Variants in LARGE1 observed in about 807,000 individuals in gnomAD.
LARGE1 encodes the protein xylosyl- and glucuronyltransferase LARGE1.
Under a neutral mutation model 87.6 loss-of-function variants are expected in LARGE1, and 43 were observed. The ratio of observed to expected loss-of-function variants is 0.49; its 90% CI spans 0.38 to 0.63. LARGE1 has a LOEUF of 0.63. Among genes scored for constraint, LARGE1 ranks in the 30% least tolerant of loss-of-function variants. The pLI is 0.00. For synonymous variants in LARGE1, 434 were observed against 394.6 expected, an observed-to-expected ratio of 1.10 and a Z score of -1.18; for missense variants, 802 against 1,000.2, an observed-to-expected ratio of 0.80 and a Z score of 2.67.
chr22:33,786,441 A>G (rs1249107101), intron 1 of LARGE1, among the ~76,000 whole-genome samples: 1 of 152,192 alleles, frequency 6.6e-6, no homozygotes, highest in Non-Finnish European at 1.5e-5. Flanking sequence ...GCCTCTCCAA[A>G]GCTGAGACAG....
At chr22:33,435,719 C>T (rs918127070) in intron 6 of LARGE1, among the ~76,000 whole-genome samples, 1 of 152,126 alleles carries the variant, frequency 6.6e-6, no homozygotes, top group Non-Finnish European at 1.5e-5. Flanking sequence ...CATGGTTAAC[C>T]TAAAGTCACG....
intron 3 of LARGE1, among the ~76,000 whole-genome samples, chr22:33,638,216 A>G (rs1309302766): frequency 1.3e-5 from 2 of 152,220 alleles, no homozygotes; most frequent in African/African-American, 2.4e-5. Context: ...ATACAATAGA[A>G]AAAGTGCATT....
intron 9 of LARGE1, among the ~76,000 whole-genome samples, chr22:33,341,156 C>T (rs1939103352): frequency 6.6e-6 from 1 of 151,984 alleles, no homozygotes; most frequent in African/African-American, 2.4e-5. Context: ...GGGAAGAACC[C>T]TCGTGAGTGG....
chr22:33,518,181 C>T (rs976166133), intron 6 of LARGE1, among the ~76,000 whole-genome samples: 5 of 152,220 alleles, frequency 3.3e-5, no homozygotes, highest in African/African-American at 1.2e-4. Context: ...GCTCTAAATA[C>T]GTGGCATAGA....
At chr22:33,739,884 G>C (rs1043571382) in intron 2 of LARGE1, among the ~76,000 whole-genome samples, 1 of 152,164 alleles carries the variant, frequency 6.6e-6, no homozygotes, top group Admixed American at 6.5e-5. Flanking sequence ...AGCACCTCAA[G>C]GTATGAGTAC....
At chr22:33,677,808 C>CA in intron 2 of LARGE1, among the ~76,000 whole-genome samples, 1 of 152,140 alleles carries the variant, frequency 6.6e-6, no homozygotes, top group Non-Finnish European at 1.5e-5. Context: ...TCTTGAGACC[C>CA]GATTAGTCAC....
At chr22:33,806,963 T>C (rs2086330977) in intron 1 of LARGE1, among the ~76,000 whole-genome samples, 1 of 151,634 alleles carries the variant, frequency 6.6e-6, no homozygotes, top group Non-Finnish European at 1.5e-5. Flanking sequence ...CGAGCTGAGA[T>C]CTCACCATTG....
At chr22:33,781,549 G>C (rs1210473715) in intron 1 of LARGE1, among the ~76,000 whole-genome samples, 1 of 152,150 alleles carries the variant, frequency 6.6e-6, no homozygotes, top group Admixed American at 6.5e-5. Flanking sequence ...AAAGCAAAGA[G>C]GAAAGAATGC....
chr22:33,333,252 T>A (rs539719372), intron 10 of LARGE1, among the ~76,000 whole-genome samples: 11 of 152,224 alleles, frequency 7.2e-5, no homozygotes, highest in African/African-American at 2.2e-4. Context: ...TCTCCTGACC[T>A]CATGATCCGC....
the LARGE1 span, among the ~76,000 whole-genome samples, chr22:33,122,658 C>G: frequency 1.3e-5 from 2 of 152,112 alleles, no homozygotes; most frequent in African/African-American, 4.8e-5. Context: ...CGTGCCCAGC[C>G]TGTTTTGTTT....
At chr22:33,689,166 T>C (rs1020489424) in intron 2 of LARGE1, among the ~76,000 whole-genome samples, 5 of 128,886 alleles carry the variant, frequency 3.9e-5, no homozygotes, top group Non-Finnish European at 7.3e-5. Flanking sequence ...TCTCTCTCTC[T>C]CCCCCCTCCT....
intron 1 of LARGE1, among the ~76,000 whole-genome samples, chr22:33,908,665 A>G (rs1473988679): frequency 2.0e-5 from 3 of 152,106 alleles, no homozygotes; most frequent in Non-Finnish European, 4.4e-5. Context: ...AGTGAGGGTA[A>G]GTACACAGAA....
At chr22:33,103,582 C>G in the LARGE1 span, among the ~76,000 whole-genome samples, 1 of 151,674 alleles carries the variant, frequency 6.6e-6, no homozygotes, top group Non-Finnish European at 1.5e-5. Context: ...GAAGAGGTAA[C>G]AACCATGTTG....
chr22:33,392,600 G>A (rs1011862377), intron 7 of LARGE1, among the ~76,000 whole-genome samples: 2 of 152,096 alleles, frequency 1.3e-5, no homozygotes, highest in East Asian at 3.9e-4. Flanking sequence ...CGGATGTTGT[G>A]GTGAGCCAAG....
At chr22:33,215,567 G>A (rs1925162907) in intron 11 of LARGE1, among the ~76,000 whole-genome samples, 2 of 152,132 alleles carry the variant, frequency 1.3e-5, no homozygotes, top group East Asian at 3.8e-4. Context: ...AATTTCAAAT[G>A]CAATGTAGGA....
At chr22:33,066,674 A>T in the LARGE1 span, among the ~76,000 whole-genome samples, 1 of 152,196 alleles carries the variant, frequency 6.6e-6, no homozygotes, top group Non-Finnish European at 1.5e-5. Flanking sequence ...TTTCTTTTGT[A>T]AAAGAACCAC....
At chr22:33,619,111 T>TAA (rs2079664402) in intron 4 of LARGE1, among the ~76,000 whole-genome samples, 1 of 152,334 alleles carries the variant, frequency 6.6e-6, no homozygotes, top group South Asian at 2.1e-4. Context: ...ATCTTGCTCA[T>TAA]TCTTTGAGTG....
chr22:33,748,872 TGAA>T (rs982843146), intron 2 of LARGE1, among the ~76,000 whole-genome samples: 1 of 152,196 alleles, frequency 6.6e-6, no homozygotes, highest in Non-Finnish European at 1.5e-5. Flanking sequence ...TTCTAATGCC[TGAA>T]GAAGGCTGCT....
intron 1 of LARGE1, among the ~76,000 whole-genome samples, chr22:33,901,360 G>C (rs2065278365): frequency 6.6e-6 from 1 of 152,186 alleles, no homozygotes; most frequent in African/African-American, 2.4e-5. Context: ...TGTTACGGCT[G>C]CCATAGGAAA....
Sources: gnomAD v4.1 joint callset for allele counts (sites outside exome capture counted in the v4.1 genomes callset) on GRCh38, gnomAD v4.1.1 for gene constraint, MANE v1.5 for transcripts, NCBI Gene and HGNC (gene_info 2026-07-23, HGNC 2026-07-21) for gene names.